DIAPH3: variants seen among roughly 807,000 people sequenced by gnomAD.
The protein encoded by DIAPH3 is protein diaphanous homolog 3.
In DIAPH3, 117 loss-of-function variants were observed where a neutral mutation model predicts 144.3. The observed-to-expected ratio is 0.81, with a 90% CI of 0.70 to 0.95. The LOEUF is 0.95. Ranked by LOEUF, DIAPH3 falls within the 40% of genes least tolerant of loss-of-function variation. The probability of loss-of-function intolerance (pLI) is 0.00; values close to 1 mark genes in which losing one functional copy is unlikely to be tolerated. For synonymous variants in DIAPH3, 519 were observed against 488.9 expected (o/e 1.06, Z -0.81); for missense variants, 1,421 against 1,412.7 (o/e 1.01, Z -0.09).
At chr13:60,004,104 A>G (rs1434727836) in intron 9 of DIAPH3, among the ~76,000 whole-genome samples, 1 of 152,220 alleles carries the variant, frequency 6.6e-6, no homozygotes, top group African/African-American at 2.4e-5. Flanking sequence ...AGAATAATGA[A>G]GAATGTGTTT....
chr13:59,888,082 C>G (rs903518157), intron 20 of DIAPH3, among the ~76,000 whole-genome samples: 1 of 151,998 alleles, frequency 6.6e-6, no homozygotes, highest in Non-Finnish European at 1.5e-5. Context: ...TTTTTCCCCA[C>G]TGCTATGTTT....
At chr13:59,722,803 C>T (rs1024763964) in intron 27 of DIAPH3, among the ~76,000 whole-genome samples, 6 of 152,004 alleles carry the variant, frequency 3.9e-5, no homozygotes, top group Non-Finnish European at 7.4e-5. Context: ...TATCATAGAG[C>T]GGGGAGCAAA....
At chr13:59,927,851 A>C (rs764188808) in intron 17 of DIAPH3, among the ~76,000 whole-genome samples, 1 of 152,166 alleles carries the variant, frequency 6.6e-6, no homozygotes, top group South Asian at 2.1e-4. Context: ...TGAATATAAT[A>C]TGTCTCACAG....
At chr13:59,691,580 G>A (rs2033525954) in intron 27 of DIAPH3, among the ~76,000 whole-genome samples, 2 of 152,110 alleles carry the variant, frequency 1.3e-5, no homozygotes, top group African/African-American at 4.8e-5. Flanking sequence ...AACATATGAT[G>A]ATTAAGGAAT....
At chr13:60,156,940 T>TATATATATATATATATATATA (rs58923567) in intron 1 of DIAPH3, among the ~76,000 whole-genome samples, 7 of 27,922 alleles carry the variant, frequency 2.5e-4, no homozygotes, top group Admixed American at 1.0e-3. Flanking sequence ...TATATATATA[T>TATATATATATATATATATATA]TTTTTTTTTT....
Position 59,682,649 on chromosome 13 carries a change from TAAACTCTATATATAATACTGCATA to T in DIAPH3, c.3320-15827_3320-15804del, listed in dbSNP as rs2033005287. Among the ~76,000 whole-genome samples the T allele has an allele frequency of 2.0e-5, 3 of 152,162 alleles. No individual in the cohort carries two copies. The South Asian group carries it at 6.2e-4, about 32-fold the overall frequency. The stretch of plus-strand genomic sequence containing the variant: ...GAAAACTCTATATAAAATACTGCAT[TAAACTCTATATATAATACTGCATA>T]AAACTGTCTGTATAACAAGGAATAC... On this transcript the variant is annotated intron_variant, in intron 27 of 27. Transcript: ENST00000400324.
intron 17 of DIAPH3, among the ~76,000 whole-genome samples, chr13:59,957,197 G>A (rs1056056347): frequency 6.6e-6 from 1 of 152,128 alleles, no homozygotes; most frequent in Non-Finnish European, 1.5e-5. Context: ...ATATTTGGGA[G>A]GGACCAGGGG....
chr13:59,758,958 T>A (rs1057142414), intron 27 of DIAPH3, among the ~76,000 whole-genome samples: 1 of 150,702 alleles, frequency 6.6e-6, no homozygotes, highest in East Asian at 1.9e-4. Context: ...TTTGAATTTT[T>A]TTTTTTTTTT....
intron 25 of DIAPH3, among the ~76,000 whole-genome samples, chr13:59,788,125 T>C (rs1356225632): frequency 6.6e-6 from 1 of 152,178 alleles, no homozygotes; most frequent in Non-Finnish European, 1.5e-5. Flanking sequence ...TGTGATATAA[T>C]CCTCAACCTC....
At chr13:59,678,662 C>T (rs996988503) in intron 27 of DIAPH3, among the ~76,000 whole-genome samples, 9 of 152,090 alleles carry the variant, frequency 5.9e-5, no homozygotes, top group African/African-American at 2.2e-4. Context: ...AACATCTGTT[C>T]GTTTAAATTC....
rs1566591633 is a variant in DIAPH3, at chr13:59,971,133, T to C, written c.1678A>G (p.Ile560Val). 6.3e-7 allele frequency: 1 copy of C among 1,594,272 alleles called. No individual in the cohort carries two copies. Among genetic ancestry groups the C allele is most frequent in the Non-Finnish European group, 8.6e-7 (1 of 1,169,564 alleles). Residue 560 changes from isoleucine (I) to valine (V), a missense_variant, in exon 16 of 28, where the codon ATT (isoleucine) becomes GTT (valine). By Grantham distance (29) the Ile-to-Val change is conservative (BLOSUM62 3). Transcript: ENST00000400324. The stretch of plus-strand genomic sequence containing the variant: ...CCTTCTTTAGAGGGAGGCAAAGGAA[T>C]ATTACAATCAGCTGGCAAGGCACCA... ...QFGALPADCN[I>V]PLPPSKEGGT...
chr13:59,690,790 CT>C (rs1265670878), intron 27 of DIAPH3, among the ~76,000 whole-genome samples: 3 of 152,192 alleles, frequency 2.0e-5, no homozygotes, highest in Non-Finnish European at 2.9e-5. Context: ...GGATTGCCTA[CT>C]ATGCATCTAC....
At chr13:60,076,951 A>G (rs890378652) in intron 4 of DIAPH3, among the ~76,000 whole-genome samples, 1 of 152,180 alleles carries the variant, frequency 6.6e-6, no homozygotes, top group African/African-American at 2.4e-5. Flanking sequence ...AGAAGTATAT[A>G]TAAATCATAC....
At chr13:59,886,508 G>C (rs2045461687) in intron 20 of DIAPH3, among the ~76,000 whole-genome samples, 1 of 152,136 alleles carries the variant, frequency 6.6e-6, no homozygotes, top group South Asian at 2.1e-4. Context: ...AAAACCTGCT[G>C]AGATTTTGAT....
At chr13:59,680,874 G>T (rs2032904098) in intron 27 of DIAPH3, among the ~76,000 whole-genome samples, 1 of 152,082 alleles carries the variant, frequency 6.6e-6, no homozygotes, top group African/African-American at 2.4e-5. Context: ...ATGGAATCTA[G>T]AAACCTTTGC....
intron 27 of DIAPH3, among the ~76,000 whole-genome samples, chr13:59,756,423 A>G (rs2037263106): frequency 7.3e-6 from 1 of 136,360 alleles, no homozygotes; most frequent in Non-Finnish European, 1.6e-5. Flanking sequence ...GAAGGAAGGA[A>G]GGAAGGAAGG....
At chr13:59,789,567 C>T (rs574394667) in intron 25 of DIAPH3, among the ~76,000 whole-genome samples, 13 of 152,122 alleles carry the variant, frequency 8.5e-5, no homozygotes, top group East Asian at 5.8e-4. Flanking sequence ...AGAATAATAT[C>T]GGTAATTTCA....
At chr13:59,697,337 G>A (rs1268107346) in intron 27 of DIAPH3, among the ~76,000 whole-genome samples, 1 of 151,690 alleles carries the variant, frequency 6.6e-6, no homozygotes. Context: ...GCAGGCGCCT[G>A]TAGTGCCAGC....
At position 59,873,823 on chromosome 13, in the gene DIAPH3, C is replaced by T. The variant is rs1030907645; in HGVS notation, c.2607+5406G>A. On this transcript the variant is annotated intron_variant, in intron 21 of 27. Coordinates refer to ENST00000400324, the MANE Select transcript of DIAPH3 (RefSeq NM_001042517.2). ...AGTAGCTGGGATTACAGGCGCCTGC[C>T]ACTATGCCCAGATAAGTTTTGTAGT... 2.6e-5 allele frequency among the ~76,000 whole-genome samples: 4 copies of T among 151,918 alleles called. No individual in the cohort carries two copies. The South Asian group carries it at 8.3e-4, about 32-fold the overall frequency.
Sources: gnomAD v4.1 joint callset for allele counts (sites outside exome capture counted in the v4.1 genomes callset) on GRCh38, gnomAD v4.1.1 for gene constraint, MANE v1.5 for transcripts, NCBI Gene and HGNC (gene_info 2026-07-23, HGNC 2026-07-21) for gene names.